Variants in SPAG16 observed in about 807,000 individuals in gnomAD.
SPAG16 encodes sperm associated antigen 16.
SPAG16 carries 86 observed loss-of-function variants against 80.4 expected under a neutral mutation model. That is an observed-to-expected ratio of 1.07 (90% CI 0.90 to 1.28). SPAG16 has a LOEUF of 1.28. Among genes scored for constraint, SPAG16 ranks in the 50% most tolerant of loss-of-function variants. The pLI is 0.00. For missense variants in SPAG16, 870 were observed against 765.3 expected, an observed-to-expected ratio of 1.14 and a Z score of -1.61; for synonymous variants, 294 against 265.9, an observed-to-expected ratio of 1.11 and a Z score of -1.03.
chr2:213,347,011 G>A (rs1051112680), intron 6 of SPAG16, among the ~76,000 whole-genome samples: 1 of 152,062 alleles, frequency 6.6e-6, no homozygotes, highest in Non-Finnish European at 1.5e-5. Flanking sequence ...AATCCTTCTG[G>A]TCCTGGACTT....
intron 9 of SPAG16, among the ~76,000 whole-genome samples, chr2:213,439,055 C>G (rs1245588178): frequency 6.6e-6 from 1 of 152,184 alleles, no homozygotes; most frequent in Non-Finnish European, 1.5e-5. Context: ...GACTCGGAGA[C>G]TCAGATGAGA....
At position 214,163,578 on chromosome 2, in the gene SPAG16, A is replaced by G. The variant is rs867041001; in HGVS notation, c.1720+14312A>G. Among the ~76,000 whole-genome samples, 12 of 116,516 alleles carry G rather than the reference A, an allele frequency of 1.0e-4. No homozygotes were observed. In the East Asian group the frequency reaches 1.4e-3, roughly 14 times the overall value. 76.4% of individuals were successfully genotyped at this position (116,516 alleles called of 152,430 possible). A position where few individuals can be genotyped will look rare whatever the true frequency, so the allele number is the denominator to read the frequency against. ...TGTGTCTGTGTATATGTGTGTGTGT[A>G]TATATATATACACACACATATATAC... On this transcript the variant is annotated intron_variant, in intron 15 of 15. Transcript: ENST00000331683.
chr2:213,397,210 C>T (rs1575477713), intron 9 of SPAG16, among the ~76,000 whole-genome samples: 2 of 148,446 alleles, frequency 1.3e-5, no homozygotes, highest in East Asian at 3.8e-4. Context: ...CTTCTCACTT[C>T]ACTGAATAAG....
At chr2:213,949,443 A>C (rs2079637684) in intron 12 of SPAG16, among the ~76,000 whole-genome samples, 1 of 152,150 alleles carries the variant, frequency 6.6e-6, no homozygotes. Context: ...CTGGGATTAC[A>C]GGCATGAGCC....
intron 12 of SPAG16, among the ~76,000 whole-genome samples, chr2:213,934,323 G>A (rs990276995): frequency 2.0e-5 from 3 of 152,208 alleles, no homozygotes; most frequent in Non-Finnish European, 2.9e-5. Context: ...TCATGGTGGT[G>A]ATGGTGGTGG....
At chr2:213,741,309 G>A (rs1184527743) in intron 10 of SPAG16, among the ~76,000 whole-genome samples, 1 of 152,010 alleles carries the variant, frequency 6.6e-6, no homozygotes, top group Non-Finnish European at 1.5e-5. Context: ...GGAAGTTAAG[G>A]ACAGACAGAT....
At chr2:213,308,026 T>C (rs2063025703) in intron 3 of SPAG16, among the ~76,000 whole-genome samples, 1 of 152,190 alleles carries the variant, frequency 6.6e-6, no homozygotes, top group Non-Finnish European at 1.5e-5. Context: ...GAAAATTTGC[T>C]GCTGAGTTTC....
intron 15 of SPAG16, among the ~76,000 whole-genome samples, chr2:214,211,395 G>A (rs1053431231): frequency 8.5e-5 from 13 of 152,160 alleles, no homozygotes; most frequent in African/African-American, 2.9e-4. Context: ...GGGTACAACT[G>A]GCCTTGAGGA....
intron 15 of SPAG16, among the ~76,000 whole-genome samples, chr2:214,369,855 T>C (rs1400727233): frequency 6.6e-6 from 1 of 152,166 alleles, no homozygotes; most frequent in African/African-American, 2.4e-5. Context: ...CAATGATTTC[T>C]TCTCTGGCAT....
chr2:214,358,049 T>A (rs895648232), intron 15 of SPAG16, among the ~76,000 whole-genome samples: 3 of 152,028 alleles, frequency 2.0e-5, no homozygotes, highest in Admixed American at 6.6e-5. Context: ...ATATTCTTGA[T>A]GTATCTTTCT....
intron 10 of SPAG16, among the ~76,000 whole-genome samples, chr2:213,707,734 T>C (rs1016011505): frequency 6.6e-6 from 1 of 151,396 alleles, no homozygotes; most frequent in Admixed American, 6.6e-5. Context: ...AAGTGATATT[T>C]ACCCTAATTT....
rs115073964 is a variant in SPAG16, at chr2:213,722,211, C to T, written c.1071-140274C>T. Among the ~76,000 whole-genome samples, 683 of 152,158 alleles carry T rather than the reference C, an allele frequency of 4.5e-3. 2 individuals carry two copies. Among genetic ancestry groups the T allele is most frequent in the African/African-American group, 0.015 (607 of 41,502 alleles). The stretch of plus-strand genomic sequence containing the variant: ...GTAGTCACAGAAGTGATGAAAGAGA[C>T]GTTAACTCAAATTTGAAAGATAAGT... On this transcript the variant is annotated intron_variant, in intron 10 of 15. Transcript: ENST00000331683.
At chr2:213,632,972 A>G (rs2062213128) in intron 10 of SPAG16, among the ~76,000 whole-genome samples, 1 of 152,154 alleles carries the variant, frequency 6.6e-6, no homozygotes, top group Non-Finnish European at 1.5e-5. Flanking sequence ...GCATCAGGCT[A>G]ATACTGGCCT....
chr2:214,016,222 A>G (rs942936072), intron 13 of SPAG16, among the ~76,000 whole-genome samples: 1 of 152,168 alleles, frequency 6.6e-6, no homozygotes, highest in Non-Finnish European at 1.5e-5. Flanking sequence ...GAAGAGGTTT[A>G]ATGAACTCAC....
At chr2:214,408,086 G>A (rs971002765) in intron 15 of SPAG16, among the ~76,000 whole-genome samples, 9 of 152,142 alleles carry the variant, frequency 5.9e-5, no homozygotes, top group Non-Finnish European at 1.2e-4. Context: ...GAATTAATAT[G>A]AGGTTCCAAT....
At chr2:214,190,678 A>G (rs1183083710) in intron 15 of SPAG16, among the ~76,000 whole-genome samples, 1 of 152,074 alleles carries the variant, frequency 6.6e-6, no homozygotes, top group African/African-American at 2.4e-5. Context: ...TTTAGATGCC[A>G]TTATGAGAGT....
intron 15 of SPAG16, among the ~76,000 whole-genome samples, chr2:214,349,794 TCTCA>T (rs1576847626): frequency 2.0e-5 from 3 of 152,212 alleles, no homozygotes; most frequent in East Asian, 3.8e-4. Context: ...GTGGATGGTG[TCTCA>T]CTGTGATTTT....
intron 7 of SPAG16, among the ~76,000 whole-genome samples, chr2:213,354,078 C>T (rs1340927759): frequency 2.0e-5 from 3 of 152,126 alleles, no homozygotes; most frequent in Non-Finnish European, 4.4e-5. Flanking sequence ...ACGCTCCCTG[C>T]CCTGTGTCCA....
chr2:213,646,402 A>G (rs2062827713), intron 10 of SPAG16, among the ~76,000 whole-genome samples: 1 of 152,220 alleles, frequency 6.6e-6, no homozygotes, highest in South Asian at 2.1e-4. Context: ...ATATATAAAT[A>G]AATGCTAAGT....
Sources: allele counts gnomAD v4.1 joint callset (sites outside exome capture counted in the v4.1 genomes callset), GRCh38; gene constraint gnomAD v4.1.1; transcripts MANE v1.5; gene names NCBI Gene and HGNC (gene_info 2026-07-23, HGNC 2026-07-21).